Variants in BAG2 observed in about 807,000 individuals in gnomAD.
The protein encoded by BAG2 is BAG family molecular chaperone regulator 2.
BAG2 carries 8 observed loss-of-function variants against 16.4 expected under a neutral mutation model. The observed-to-expected ratio is 0.49, with a 90% CI of 0.29 to 0.88. The LOEUF (loss-of-function observed/expected upper bound fraction) is 0.88, where lower values mean the gene tolerates loss of function less well. Among genes scored for constraint, BAG2 ranks in the 40% least tolerant of loss-of-function variants. The pLI, the probability that BAG2 is intolerant of heterozygous loss-of-function variation, is 0.09. For missense variants in BAG2, 218 were observed against 248.9 expected (o/e 0.88, Z 0.84); for synonymous variants, 82 against 89.2 (o/e 0.92, Z 0.46).
Position 57,172,803 on chromosome 6 carries a change from G to C in BAG2, c.106G>C (p.Glu36Gln). The part of the protein sequence containing the change: ...SRLLESLDQL[E>Q]LRVEALREAA... ...CCTGCTGGAGAGCCTGGACCAGCTGGAGCTCAGGTGAGCTCCGGGCGGGCG... is the reference window on the plus strand; with the variant it reads ...CCTGCTGGAGAGCCTGGACCAGCTGCAGCTCAGGTGAGCTCCGGGCGGGCG... The change falls in exon 1 of 3, where the codon GAG becomes CAG. Residue 36 changes from glutamate to glutamine, a missense_variant. Physicochemically the swap from Glu to Gln is conservative, Grantham distance 29 (BLOSUM62 2). Coordinates refer to ENST00000370693, the MANE Select transcript of BAG2 (RefSeq NM_004282.4). The C allele has an allele frequency of 6.5e-7, 1 of 1,527,816 alleles. No homozygotes were observed. Among genetic ancestry groups the C allele is most frequent in the Non-Finnish European group, 8.8e-7 (1 of 1,137,006 alleles). 94.6% of individuals were successfully genotyped at this position (1,527,816 alleles called of 1,614,324 possible). A position where few individuals can be genotyped will look rare whatever the true frequency, so the allele number is the denominator to read the frequency against.
rs1418834766 is a variant in BAG2 at position 57,183,761 on chromosome 6, C to T, written c.224-17C>T. On this transcript the variant is annotated splice_polypyrimidine_tract_variant and intron_variant, in intron 2 of 2. Transcript: ENST00000370693. ...GTTTTTGACACAGATAAGTTTACATCTCATATTGATTTTTAGGAGAAAGAG... is the reference window on the plus strand; with the variant it reads ...GTTTTTGACACAGATAAGTTTACATTTCATATTGATTTTTAGGAGAAAGAG... 9 of 1,532,850 alleles carry T rather than the reference C, an allele frequency of 5.9e-6. No homozygotes were observed. Among genetic ancestry groups the T allele is most frequent in the Non-Finnish European group, 7.0e-6 (8 of 1,140,780 alleles). The allele number at this position is 1,532,850 out of a possible 1,614,324, so 95.0% of individuals were successfully genotyped here.
intron 1 of BAG2, 122 bp downstream of exon 1, chr6:57,172,932 C>A: frequency 1.1e-6 from 1 of 877,422 alleles, no homozygotes; most frequent in Non-Finnish European, 1.6e-6. Flanking sequence ...CTGCGGCAAC[C>A]GAAGTTGCTT....
At position 57,187,037 on chromosome 6, in the gene BAG2, C is replaced by T. The variant is rs1174404094; in HGVS notation, c.*2847C>T. ...TATTTTCTGATTATTGGAATTCATC[C>T]TTCATGAAATTTTTAGAGTAGTGTT... On this transcript the variant is annotated 3_prime_UTR_variant, in exon 3 of 3. Coordinates refer to ENST00000370693, the MANE Select transcript of BAG2 (RefSeq NM_004282.4). 6.6e-6 allele frequency: 1 copy of T among 152,098 alleles called. No individual in the cohort carries two copies. Among genetic ancestry groups the T allele is most frequent in the African/African-American group, 2.4e-5 (1 of 41,428 alleles). 9.4% of individuals were successfully genotyped at this position (152,098 alleles called of 1,614,324 possible).
At position 57,186,925 on chromosome 6, in the gene BAG2, G is replaced by T. The variant is rs1300593938; in HGVS notation, c.*2735G>T. The T allele has an allele frequency of 6.6e-6, 1 of 152,098 alleles. No homozygotes were observed. The highest frequency in any genetic ancestry group is 1.5e-5 in the Non-Finnish European group (1 of 68,012). 9.4% of individuals were successfully genotyped at this position (152,098 alleles called of 1,614,324 possible). A position where few individuals can be genotyped will look rare whatever the true frequency, so the allele number is the denominator to read the frequency against. Reference sequence around the variant, plus strand: ...ATTTTAGGTTGCTTTGATCTTTAAAGAAGTTGCATTATATATTTTACTATT... The same window carrying T: ...ATTTTAGGTTGCTTTGATCTTTAAATAAGTTGCATTATATATTTTACTATT... On this transcript the variant is annotated 3_prime_UTR_variant, in exon 3 of 3. Coordinates refer to ENST00000370693, the MANE Select transcript of BAG2 (RefSeq NM_004282.4).
rs767039819 is a variant in BAG2 at position 57,184,115 on chromosome 6, C to T, written c.561C>T (p.Ala187=). 58 of 1,601,766 alleles carry T rather than the reference C, an allele frequency of 3.6e-5. No homozygotes were observed. Among genetic ancestry groups the T allele is most frequent in the Non-Finnish European group, 4.3e-5 (51 of 1,176,784 alleles). ...GAAATATTGAAAACTCTGACAAGGC[C>T]ATCAAGCTATTAGAGCATTCTAAAG... ...LLRNIENSDK[A]IKLLEHSKGA... is the part of the protein sequence containing the mutation. Residue 187 remains alanine (A), a synonymous_variant, in exon 3 of 3, where the codon GCC becomes GCT. Transcript: ENST00000370693.
At position 57,172,525 on chromosome 6, in the gene BAG2, T is replaced by G; in HGVS notation, c.-173T>G. On this transcript the variant is annotated 5_prime_UTR_variant, in exon 1 of 3. Coordinates refer to ENST00000370693, the MANE Select transcript of BAG2 (RefSeq NM_004282.4). Reference sequence around the variant, plus strand: ...CCGCGGGCGCCGCGCCTGCCCTTCTTTGGCTACGCTGCAGCCGCGGTGTCG... The same window carrying G: ...CCGCGGGCGCCGCGCCTGCCCTTCTGTGGCTACGCTGCAGCCGCGGTGTCG... 1.9e-5 allele frequency: 9 copies of G among 463,778 alleles called. No homozygotes were observed. Among genetic ancestry groups the G allele is most frequent in the East Asian group, 4.0e-5 (1 of 25,056 alleles). 28.7% of individuals were successfully genotyped at this position (463,778 alleles called of 1,614,324 possible).
chr6:57,172,358 C>A lies in BAG2; in HGVS notation c.-340C>A. ...CCGCTAGCCACATTAGGCGCTCGGT[C>A]TCTGCGTCCGCCCCTCCCGTGCCTC... On this transcript the variant is annotated 5_prime_UTR_variant, in exon 1 of 3. Transcript: ENST00000370693. 1 of 169,930 alleles carries A rather than the reference C, an allele frequency of 5.9e-6. No individual in the cohort carries two copies. The highest frequency in any genetic ancestry group is 1.2e-5 in the Non-Finnish European group (1 of 80,134). The allele number at this position is 169,930 out of a possible 1,614,324, so 10.5% of individuals were successfully genotyped here.
At position 57,172,754 on chromosome 6, in the gene BAG2, C is replaced by G. The variant is rs1347456344; in HGVS notation, c.57C>G (p.Ser19=). ...KANEGRFCRS[S]SMADRSSRLL... The stretch of plus-strand genomic sequence containing the variant: ...ACGAGGGGCGCTTCTGCCGCTCCTC[C>G]TCCATGGCTGACCGCTCCAGCCGCC... Residue 19 remains serine, a synonymous_variant, in exon 1 of 3, where the codon TCC becomes TCG. Coordinates refer to ENST00000370693, the MANE Select transcript of BAG2 (RefSeq NM_004282.4). 1 of 1,582,910 alleles carries G rather than the reference C, an allele frequency of 6.3e-7. No homozygotes were observed. The highest frequency in any genetic ancestry group is 1.8e-5 in the Admixed American group (1 of 56,702).
chr6:57,182,188 A>T, intron 2 of BAG2, 47 bp downstream of exon 2: 2 of 1,547,824 alleles, frequency 1.3e-6, no homozygotes, highest in Non-Finnish European at 8.9e-7. Flanking sequence ...CACTCCTTTA[A>T]AGAGTTTATG....
In BAG2 at chr6:57,188,782, ATTTACT is replaced by A. The variant is rs1310212295; in HGVS notation, c.*4596_*4601del. On this transcript the variant is annotated 3_prime_UTR_variant, in exon 3 of 3. Coordinates refer to ENST00000370693, the MANE Select transcript of BAG2 (RefSeq NM_004282.4). ...CATTTCAATATAATGAAAAGCAAAA[ATTTACT>A]TTTTAATTTTTTTTATTTTTCCATC... 3 of 152,220 alleles carry A rather than the reference ATTTACT, an allele frequency of 2.0e-5. No homozygotes were observed. The highest frequency in any genetic ancestry group is 7.2e-5 in the African/African-American group (3 of 41,446). 9.4% of individuals were successfully genotyped at this position (152,220 alleles called of 1,614,324 possible).
Position 57,188,263 on chromosome 6 carries a change from CTTAA to C in BAG2, c.*4077_*4080del, listed in dbSNP as rs1255401244. 26 of 152,158 alleles carry C rather than the reference CTTAA, an allele frequency of 1.7e-4. No individual in the cohort carries two copies. The highest frequency in any genetic ancestry group is 2.1e-4 in the Non-Finnish European group (14 of 67,982). The allele number at this position is 152,158 out of a possible 1,614,324, so 9.4% of individuals were successfully genotyped here. On this transcript the variant is annotated 3_prime_UTR_variant, in exon 3 of 3. Coordinates refer to ENST00000370693, the MANE Select transcript of BAG2 (RefSeq NM_004282.4). ...TTAACATGGCTGACTTTCAGGCCTA[CTTAA>C]TTATTTTAAATGACTAATTATGGTT...
intron 1 of BAG2, among the ~76,000 whole-genome samples, chr6:57,178,253 C>T (rs751177447): frequency 1.1e-4 from 16 of 152,138 alleles, no homozygotes; most frequent in Admixed American, 5.2e-4. Context: ...AAAGATACAA[C>T]AGCCAAGAAT....
chr6:57,173,570 C>A, intron 1 of BAG2: 1 of 854,202 alleles, frequency 1.2e-6, no homozygotes, highest in Non-Finnish European at 1.4e-6. Context: ...TTTGGTAATA[C>A]AGTAGTAGAC....
intron 1 of BAG2, chr6:57,173,786 A>T (rs145793505): frequency 9.8e-4 from 153 of 156,046 alleles, no homozygotes; most frequent in Non-Finnish European, 1.7e-3. Flanking sequence ...AGTTTTGTCT[A>T]GGTTGTGCAT....
At chr6:57,175,277 G>C (rs961802924) in intron 1 of BAG2, among the ~76,000 whole-genome samples, 3 of 152,080 alleles carry the variant, frequency 2.0e-5, no homozygotes, top group Admixed American at 6.5e-5. Context: ...CTCTCTCTCT[G>C]TATATATACA....
intron 2 of BAG2, among the ~76,000 whole-genome samples, chr6:57,183,257 G>A (rs1764522141): frequency 6.6e-6 from 1 of 150,896 alleles, no homozygotes; most frequent in Non-Finnish European, 1.5e-5. Context: ...TCCTCGTGCT[G>A]GCCAAGACTT....
At chr6:57,181,986 G>A in intron 1 of BAG2, 46 bp from the exon 2 acceptor site, 3 of 1,510,456 alleles carry the variant, frequency 2.0e-6, no homozygotes, top group South Asian at 2.3e-5. Flanking sequence ...TTAATAGGAA[G>A]AACATCCTGC....
chr6:57,176,445 T>G (rs1258051048), intron 1 of BAG2, among the ~76,000 whole-genome samples: 1 of 152,194 alleles, frequency 6.6e-6, no homozygotes, highest in African/African-American at 2.4e-5. Context: ...GGCCTTTAAT[T>G]CAGTGGATAT....
chr6:57,177,655 G>T (rs1156802020), intron 1 of BAG2, among the ~76,000 whole-genome samples: 1 of 152,138 alleles, frequency 6.6e-6, no homozygotes, highest in Non-Finnish European at 1.5e-5. Context: ...ATCAGTCACT[G>T]TTAAACTCTA....
Sources: gnomAD v4.1 joint callset for allele counts (sites outside exome capture counted in the v4.1 genomes callset) on GRCh38, gnomAD v4.1.1 for gene constraint, MANE v1.5 for transcripts, NCBI Gene and HGNC (gene_info 2026-07-23, HGNC 2026-07-21) for gene names.